Variants in OSTF1 observed in about 807,000 individuals in gnomAD.
OSTF1 encodes the protein osteoclast-stimulating factor 1.
A neutral mutation model predicts 37.2 loss-of-function variants in OSTF1; 27 were observed. The observed-to-expected ratio is 0.73, with a 90% CI of 0.54 to 1.00. OSTF1 has a LOEUF of 1.00. Among genes scored for constraint, OSTF1 ranks in the 50% least tolerant of loss-of-function variants. The probability of loss-of-function intolerance (pLI) is 0.00; values close to 1 mark genes in which losing one functional copy is unlikely to be tolerated. For synonymous variants in OSTF1, 82 were observed against 89.2 expected, an observed-to-expected ratio of 0.92 and a Z score of 0.46; for missense variants, 232 against 253.8, an observed-to-expected ratio of 0.91 and a Z score of 0.58.
intron 1 of OSTF1, among the ~76,000 whole-genome samples, chr9:75,090,677 A>G (rs1413248100): frequency 2.6e-5 from 4 of 152,066 alleles, no homozygotes; most frequent in Admixed American, 6.6e-5. Flanking sequence ...AGTTGAAGAA[A>G]AAAAAAAAGC....
intron 1 of OSTF1, among the ~76,000 whole-genome samples, chr9:75,099,687 G>C (rs1207884750): frequency 6.6e-6 from 1 of 152,180 alleles, no homozygotes; most frequent in South Asian, 2.1e-4. Context: ...AAATTAGCCG[G>C]GTGTGGTGAT....
intron 2 of OSTF1, among the ~76,000 whole-genome samples, chr9:75,125,971 G>A (rs1034369143): frequency 5.3e-5 from 8 of 152,100 alleles, no homozygotes; most frequent in South Asian, 2.1e-4. Flanking sequence ...GTGCCATGGC[G>A]TAATCTTGGC....
At chr9:75,146,077 A>T (rs557714373) in intron 9 of OSTF1, among the ~76,000 whole-genome samples, 1 of 152,286 alleles carries the variant, frequency 6.6e-6, no homozygotes, top group Admixed American at 6.5e-5. Context: ...TTGCTATAGG[A>T]ATTTGACTAG....
At chr9:75,116,213 G>A (rs1029302120) in intron 1 of OSTF1, among the ~76,000 whole-genome samples, 2 of 152,058 alleles carry the variant, frequency 1.3e-5, no homozygotes, top group Non-Finnish European at 2.9e-5. Context: ...ATCTAAAGAT[G>A]ATTTCAAGTA....
intron 6 of OSTF1, among the ~76,000 whole-genome samples, chr9:75,133,769 A>G (rs781074504): frequency 6.6e-6 from 1 of 152,230 alleles, no homozygotes; most frequent in East Asian, 1.9e-4. Context: ...TATGATTTGC[A>G]TTTTAAGTTT....
intron 9 of OSTF1, among the ~76,000 whole-genome samples, chr9:75,142,425 C>T (rs1177656884): frequency 1.3e-5 from 2 of 152,174 alleles, no homozygotes; most frequent in Non-Finnish European, 2.9e-5. Context: ...TGTGTGGCTA[C>T]CCTTAGCCTG....
At chr9:75,146,285 G>T (rs576660426) in intron 9 of OSTF1, among the ~76,000 whole-genome samples, 3 of 152,118 alleles carry the variant, frequency 2.0e-5, no homozygotes, top group African/African-American at 7.2e-5. Flanking sequence ...TTTCCCCTTC[G>T]GTAGTTAACG....
rs529197639 is a variant in OSTF1 at position 75,088,729 on chromosome 9, G to A, written c.34+3G>A. ...GCCACCCAAACCAGTCAAACCAGGT[G>A]AGGGAGGTAAGGTAGGCGCTTGCCA... is the stretch of plus-strand genomic sequence containing the variant. On this transcript the variant is annotated splice_donor_region_variant and intron_variant, in intron 1 of 9. Coordinates refer to ENST00000346234, the MANE Select transcript of OSTF1 (RefSeq NM_012383.5). 9 of 1,607,524 alleles carry A rather than the reference G, an allele frequency of 5.6e-6. No homozygotes were observed. In the South Asian group the frequency reaches 1.0e-4, roughly 18 times the overall value.
At chr9:75,102,339 C>G (rs1482160889) in intron 1 of OSTF1, among the ~76,000 whole-genome samples, 1 of 152,156 alleles carries the variant, frequency 6.6e-6, no homozygotes, top group African/African-American at 2.4e-5. Context: ...GTGAAATGCT[C>G]TGGGCTGGTG....
chr9:75,127,008 C>T (rs1825672732), intron 2 of OSTF1, among the ~76,000 whole-genome samples: 1 of 152,188 alleles, frequency 6.6e-6, no homozygotes, highest in South Asian at 2.1e-4. Flanking sequence ...TGCTTCATAT[C>T]TTTTAGCTCT....
intron 2 of OSTF1, among the ~76,000 whole-genome samples, chr9:75,121,362 A>G (rs1017576655): frequency 1.2e-4 from 19 of 152,224 alleles, no homozygotes; most frequent in African/African-American, 4.6e-4. Context: ...TTTTAAAAAA[A>G]TCTTAGTTAT....
chr9:75,111,281 C>T (rs1278751774), intron 1 of OSTF1, among the ~76,000 whole-genome samples: 1 of 152,170 alleles, frequency 6.6e-6, no homozygotes, highest in Non-Finnish European at 1.5e-5. Flanking sequence ...GCCTCTACCA[C>T]TATGAACAGG....
chr9:75,110,037 T>G (rs1482568982), intron 1 of OSTF1, among the ~76,000 whole-genome samples: 1 of 152,194 alleles, frequency 6.6e-6, no homozygotes, highest in Admixed American at 6.5e-5. Context: ...ACAGCATTCT[T>G]AAAAAGACAT....
chr9:75,090,825 A>G (rs970302790), intron 1 of OSTF1, among the ~76,000 whole-genome samples: 4 of 152,122 alleles, frequency 2.6e-5, no homozygotes, highest in African/African-American at 7.2e-5. Context: ...ACAAAAAACA[A>G]AAACAGAAAT....
At position 75,095,196 on chromosome 9, in the gene OSTF1, T is replaced by C. The variant is rs113324440; in HGVS notation, c.34+6470T>C. 6.2e-3 allele frequency among the ~76,000 whole-genome samples: 947 copies of C among 152,314 alleles called. 2 individuals are homozygous for C. Among genetic ancestry groups the C allele is most frequent in the Middle Eastern group, 0.031 (9 of 294 alleles). The stretch of plus-strand genomic sequence containing the variant: ...TATAACAAATAGTCTCCCAATAGTA[T>C]TGTTGTTGCTTACACACGTAAATCC... On this transcript the variant is annotated intron_variant, in intron 1 of 9. Transcript: ENST00000346234.
At position 75,108,141 on chromosome 9, in the gene OSTF1, C is replaced by T. The variant is rs965225876; in HGVS notation, c.35-9363C>T. On this transcript the variant is annotated intron_variant, in intron 1 of 9. Coordinates refer to ENST00000346234, the MANE Select transcript of OSTF1 (RefSeq NM_012383.5). Reference sequence around the variant, plus strand: ...TTAGGAGGCTGAGGCAGGAGGATCTCTTGAGCCTGAGAGGTTGAAGCTGCA... The same window carrying T: ...TTAGGAGGCTGAGGCAGGAGGATCTTTTGAGCCTGAGAGGTTGAAGCTGCA... Among the ~76,000 whole-genome samples the T allele has an allele frequency of 3.9e-5, 6 of 152,018 alleles. No homozygotes were observed. In the South Asian group the frequency reaches 1.0e-3, roughly 26 times the overall value.
chr9:75,127,838 T>C (rs1825685171), intron 3 of OSTF1, among the ~76,000 whole-genome samples: 1 of 151,680 alleles, frequency 6.6e-6, no homozygotes, highest in South Asian at 2.1e-4. Flanking sequence ...CAGAATATTA[T>C]GCAGCTGTAG....
chr9:75,117,683 T>C, intron 2 of OSTF1, 133 bp downstream of exon 2: 2 of 669,806 alleles, frequency 3.0e-6, no homozygotes, highest in Non-Finnish European at 5.3e-6. Flanking sequence ...GGATGTTGGG[T>C]CCAGAGCTGT....
chr9:75,114,067 T>C (rs2118499880), intron 1 of OSTF1, among the ~76,000 whole-genome samples: 1 of 152,312 alleles, frequency 6.6e-6, no homozygotes, highest in African/African-American at 2.4e-5. Flanking sequence ...GCCTGGCTAA[T>C]TCACAAAACA....
Sources: allele counts gnomAD v4.1 joint callset (sites outside exome capture counted in the v4.1 genomes callset), GRCh38; gene constraint gnomAD v4.1.1; transcripts MANE v1.5; gene names NCBI Gene and HGNC (gene_info 2026-07-23, HGNC 2026-07-21).